Variants in TAF2 observed in about 807,000 individuals in gnomAD.
TAF2 encodes the protein TATA-box binding protein associated factor 2.
A neutral mutation model predicts 138.5 loss-of-function variants in TAF2; 61 were observed. The observed-to-expected ratio is 0.44, with a 90% confidence interval of 0.36 to 0.54. The LOEUF (loss-of-function observed/expected upper bound fraction) is 0.54. Ranked by LOEUF, TAF2 falls within the 20% of genes least tolerant of loss-of-function variation. TAF2 has a pLI of 0.00. For synonymous variants in TAF2, 475 were observed against 469.9 expected, an observed-to-expected ratio of 1.01 and a Z score of -0.14; for missense variants, 1,090 against 1,427.9, an observed-to-expected ratio of 0.76 and a Z score of 3.81.
intron 18 of TAF2, chr8:119,767,116 C>G (rs1392868856): frequency 1.3e-5 from 2 of 152,090 alleles, no homozygotes; most frequent in Non-Finnish European, 2.9e-5. Flanking sequence ...CTCATCAATT[C>G]TTATAATGTG....
intron 25 of TAF2, among the ~76,000 whole-genome samples, chr8:119,733,183 A>G (rs1234765428): frequency 6.6e-6 from 1 of 152,204 alleles, no homozygotes; most frequent in Non-Finnish European, 1.5e-5. Context: ...AACAACTGAT[A>G]TACCCATAAA....
intron 20 of TAF2, among the ~76,000 whole-genome samples, chr8:119,760,093 C>T (rs188022388): frequency 7.9e-5 from 12 of 152,076 alleles, no homozygotes; most frequent in East Asian, 3.9e-4. Flanking sequence ...CTATTCTTCA[C>T]GACTTTTTAA....
chr8:119,756,022 C>G lies in TAF2; in HGVS notation c.2862G>C (p.Trp954Cys), dbSNP rs1820678787. The part of the protein sequence containing the change: ...LCNEALVDQL[W>C]KLMNSGTSHD... ...CTCTCTCACCAGAATTCATAAGTTT[C>G]CAAAGTTGATCTACCAGGGCTTCAT... The change falls in exon 22 of 26, where the codon TGG (tryptophan) becomes TGC (cysteine). Residue 954 changes from tryptophan to cysteine, a missense_variant. Trp to Cys is a radical substitution (Grantham distance 215). Around this residue, in one of 3 missense-constraint regions of TAF2, gnomAD observed 580 missense variants for 719.6 expected, o/e 0.81. Transcript: ENST00000378164. 1 of 1,612,790 alleles carries G rather than the reference C, an allele frequency of 6.2e-7. No individual in the cohort carries two copies. The highest frequency in any genetic ancestry group is 8.5e-7 in the Non-Finnish European group (1 of 1,179,062).
chr8:119,795,186 T>C (rs1393005826), intron 9 of TAF2, among the ~76,000 whole-genome samples: 2 of 152,150 alleles, frequency 1.3e-5, no homozygotes, highest in East Asian at 3.9e-4. Context: ...GACACTACAA[T>C]TGCCCTCCTT....
intron 18 of TAF2, among the ~76,000 whole-genome samples, chr8:119,775,887 A>T (rs1379683175): frequency 2.0e-5 from 3 of 152,198 alleles, no homozygotes; most frequent in Admixed American, 2.0e-4. Flanking sequence ...GAAATAAAAC[A>T]CTAGATGACT....
intron 2 of TAF2, among the ~76,000 whole-genome samples, chr8:119,825,869 T>G (rs933285505): frequency 2.7e-5 from 4 of 150,294 alleles, no homozygotes; most frequent in Non-Finnish European, 5.9e-5. Context: ...TTTTTTTGTA[T>G]TTTTAGTAGA....
intron 9 of TAF2, among the ~76,000 whole-genome samples, chr8:119,794,759 C>T (rs1823701863): frequency 6.6e-6 from 1 of 151,994 alleles, no homozygotes; most frequent in Non-Finnish European, 1.5e-5. Context: ...GAAGAGACTC[C>T]AGTTCTAGAT....
At chr8:119,779,249 G>GACACACACACACAC (rs10636618) in intron 17 of TAF2, among the ~76,000 whole-genome samples, 18 of 147,378 alleles carry the variant, frequency 1.2e-4, no homozygotes, top group South Asian at 1.1e-3. Context: ...CACAACCTAA[G>GACACACACACACAC]ACACACACAC....
intron 14 of TAF2, 48 bp downstream of exon 14, chr8:119,788,290 G>A (rs1213443799): frequency 6.6e-7 from 1 of 1,514,536 alleles, no homozygotes; most frequent in Non-Finnish European, 9.2e-7. Flanking sequence ...TTTAGTCTGT[G>A]AGATTTGTAG....
intron 2 of TAF2, among the ~76,000 whole-genome samples, chr8:119,825,773 C>A (rs1193811551): frequency 6.6e-6 from 1 of 152,048 alleles, no homozygotes; most frequent in Non-Finnish European, 1.5e-5. Context: ...CAAGCTCTGC[C>A]TCCTGTGTTC....
chr8:119,775,727 T>A (rs1230823206), intron 18 of TAF2, among the ~76,000 whole-genome samples: 2 of 151,452 alleles, frequency 1.3e-5, no homozygotes, highest in Non-Finnish European at 2.9e-5. Context: ...AATAAATAAA[T>A]AAAAAATAAA....
intron 20 of TAF2, among the ~76,000 whole-genome samples, chr8:119,758,471 G>C (rs954848163): frequency 6.6e-6 from 1 of 152,128 alleles, no homozygotes; most frequent in Non-Finnish European, 1.5e-5. Flanking sequence ...GACAAAATCT[G>C]TTTAAATACA....
chr8:119,808,094 T>C (rs1481727151), intron 3 of TAF2, among the ~76,000 whole-genome samples: 1 of 152,188 alleles, frequency 6.6e-6, no homozygotes, highest in Non-Finnish European at 1.5e-5. Context: ...TTAGGAAGGA[T>C]ATAATATAAC....
rs780778719 is a variant in TAF2 at position 119,762,494 on chromosome 8, G to A, written c.2479C>T (p.Arg827Ter). 4.3e-6 allele frequency: 7 copies of A among 1,613,846 alleles called. No individual in the cohort carries two copies. Among genetic ancestry groups the A allele is most frequent in the South Asian group, 2.2e-5 (2 of 91,068 alleles). ...RTLDNLNPDV[R>*]LILEEITRFL... is the part of the protein sequence containing the mutation. Reference sequence around the variant, plus strand: ...CTGGTGATTTCTTCAAGAATGAGTCGCACATCAGGATTTAAGTTATCCAAA... The same window carrying A: ...CTGGTGATTTCTTCAAGAATGAGTCACACATCAGGATTTAAGTTATCCAAA... Residue 827 changes from arginine to a stop codon, truncating the protein, a stop_gained, in exon 19 of 26, where the codon CGA becomes TGA. Transcript: ENST00000378164. LOFTEE classifies it high-confidence loss of function.
chr8:119,794,212 A>G (rs2131180306), intron 9 of TAF2, among the ~76,000 whole-genome samples: 1 of 152,280 alleles, frequency 6.6e-6, no homozygotes, highest in East Asian at 1.9e-4. Context: ...CCTGGCCAAC[A>G]TGGTGAAATC....
chr8:119,771,365 A>G (rs1290743623), intron 18 of TAF2, among the ~76,000 whole-genome samples: 1 of 151,978 alleles, frequency 6.6e-6, no homozygotes, highest in East Asian at 2.0e-4. Context: ...CCTCCTGAGT[A>G]GCTGGGATTA....
At chr8:119,758,305 G>C (rs1393162078) in intron 20 of TAF2, among the ~76,000 whole-genome samples, 163 bp from the exon 21 acceptor site, 1 of 152,040 alleles carries the variant, frequency 6.6e-6, no homozygotes, top group Non-Finnish European at 1.5e-5. Flanking sequence ...TTTATGCAAT[G>C]GCCACTTTGT....
Position 119,788,914 on chromosome 8 carries a change from T to C in TAF2, c.1569-10A>G. 1 of 1,553,354 alleles carries C rather than the reference T, an allele frequency of 6.4e-7. No individual in the cohort carries two copies. Among genetic ancestry groups the C allele is most frequent in the Non-Finnish European group, 8.9e-7 (1 of 1,124,682 alleles). ...CACTCCACTCTGATCTCTGAAGAAT[T>C]GTAAAGGAAAGTTTACATACTGAAA... On this transcript the variant is annotated splice_polypyrimidine_tract_variant and intron_variant, in intron 12 of 25. Transcript: ENST00000378164.
chr8:119,809,323 T>G (rs1277579047), intron 3 of TAF2, among the ~76,000 whole-genome samples: 1 of 152,224 alleles, frequency 6.6e-6, no homozygotes, highest in Non-Finnish European at 1.5e-5. Flanking sequence ...TTCACAGAAC[T>G]GAAGAGAGTT....
Sources: gnomAD v4.1 joint callset for allele counts (sites outside exome capture counted in the v4.1 genomes callset) on GRCh38, gnomAD v4.1.1 for gene constraint, gnomAD v4.1.1 regional missense constraint, MANE v1.5 for transcripts, NCBI Gene and HGNC (gene_info 2026-07-23, HGNC 2026-07-21) for gene names.